Variants in UNC79 observed in about 807,000 individuals in gnomAD.
The protein encoded by UNC79 is unc-79 subunit of NALCN channel complex.
UNC79 carries 37 observed loss-of-function variants against 283.1 expected under a neutral mutation model. The observed-to-expected ratio is 0.13, with a 90% CI of 0.10 to 0.17. UNC79 has a LOEUF of 0.17. Among genes scored for constraint, UNC79 ranks in the 10% least tolerant of loss-of-function variants. The probability of loss-of-function intolerance (pLI) is 1.00; values close to 1 mark genes in which losing one functional copy is unlikely to be tolerated. For missense variants in UNC79, 2,272 were observed against 3,211.1 expected, an observed-to-expected ratio of 0.71 and a Z score of 7.07; for synonymous variants, 1,107 against 1,200.2, an observed-to-expected ratio of 0.92 and a Z score of 1.61.
At chr14:93,549,717 T>C (rs2061777298) in intron 14 of UNC79, among the ~76,000 whole-genome samples, 1 of 152,018 alleles carries the variant, frequency 6.6e-6, no homozygotes, top group Non-Finnish European at 1.5e-5. Flanking sequence ...GTACAGGAAA[T>C]GGAAATGAGG....
At chr14:93,489,270 G>T (rs2058608504) in intron 5 of UNC79, among the ~76,000 whole-genome samples, 1 of 152,162 alleles carries the variant, frequency 6.6e-6, no homozygotes, top group Admixed American at 6.6e-5. Context: ...CAAGCATTTA[G>T]TCTATAGTAT....
chr14:93,648,580 G>A (rs2069889091), intron 35 of UNC79, among the ~76,000 whole-genome samples: 1 of 152,130 alleles, frequency 6.6e-6, no homozygotes, highest in African/African-American at 2.4e-5. Context: ...TGGGTGGGCG[G>A]GTGTGGCATT....
At chr14:93,337,516 C>T (rs1209354735) in intron 1 of UNC79, among the ~76,000 whole-genome samples, 2 of 152,214 alleles carry the variant, frequency 1.3e-5, no homozygotes, top group Admixed American at 1.3e-4. Flanking sequence ...TGGGGATTCC[C>T]CAACCCAGAG....
At chr14:93,682,653 T>G in exon 42 of UNC79, 2 of 1,614,022 alleles carry the variant, frequency 1.2e-6, no homozygotes, top group Non-Finnish European at 1.7e-6. Flanking sequence ...ACTAGCTGAG[T>G]CAACAATCCT....
chr14:93,538,156 G>T (rs771758901), exon 12 of UNC79: 2 of 1,613,662 alleles, frequency 1.2e-6, no homozygotes, highest in Non-Finnish European at 1.7e-6. Context: ...CCTCTCCTCC[G>T]CCCATCAACA....
intron 7 of UNC79, among the ~76,000 whole-genome samples, chr14:93,518,194 A>G (rs533552393): frequency 6.8e-4 from 103 of 152,152 alleles, no homozygotes; most frequent in African/African-American, 2.4e-3. Context: ...TATTCTTTCA[A>G]TGATTAATAG....
intron 1 of UNC79, among the ~76,000 whole-genome samples, chr14:93,349,750 T>G (rs2139909060): frequency 6.6e-6 from 1 of 152,302 alleles, no homozygotes; most frequent in Non-Finnish European, 1.5e-5. Flanking sequence ...GCTAAATATT[T>G]CAGGTTCAAT....
chr14:93,467,215 T>C (rs2057231444), intron 1 of UNC79, among the ~76,000 whole-genome samples: 1 of 152,158 alleles, frequency 6.6e-6, no homozygotes, highest in African/African-American at 2.4e-5. Flanking sequence ...TATTTTAGGA[T>C]TTTTTGAGTG....
At chr14:93,662,856 C>A (rs1370491463) in intron 40 of UNC79, 142 bp downstream of exon 43, 3 of 546,656 alleles carry the variant, frequency 5.5e-6, no homozygotes, top group Admixed American at 3.2e-5. Flanking sequence ...CTAATAAATA[C>A]CATGGTAAGG....
intron 20 of UNC79, among the ~76,000 whole-genome samples, chr14:93,584,501 G>A (rs2064070225): frequency 6.6e-6 from 1 of 152,236 alleles, no homozygotes; most frequent in African/African-American, 2.4e-5. Flanking sequence ...AGCAGCCAGG[G>A]CCCAGGCCTA....
chr14:93,636,484 A>G (rs1472630937), intron 31 of UNC79, among the ~76,000 whole-genome samples: 1 of 152,202 alleles, frequency 6.6e-6, no homozygotes, highest in East Asian at 1.9e-4. Flanking sequence ...TAAACTACAC[A>G]TGTAGCTTCA....
At chr14:93,559,952 G>A (rs557158077) in intron 14 of UNC79, among the ~76,000 whole-genome samples, 2 of 152,158 alleles carry the variant, frequency 1.3e-5, no homozygotes, top group East Asian at 1.9e-4. Context: ...TGTTTCTCAG[G>A]GGTGCTTCAA....
Position 93,622,559 on chromosome 14 carries a change from G to T in UNC79, c.5326G>T (p.Glu1776Ter). The stretch of plus-strand genomic sequence containing the variant: ...GGGCACTGAGGGGGAGAAGCCTGGG[G>T]AGCTGATGCCAAGTTCAGGGGCAAA... Residue 1776 changes from glutamate (E) to a stop codon, truncating the protein, a stop_gained, in exon 30 of 49, where the codon GAG becomes TAG. Coordinates refer to ENST00000555664, the Ensembl canonical transcript of UNC79. LOFTEE classifies it high-confidence loss of function. 1 of 1,614,070 alleles carries T rather than the reference G, an allele frequency of 6.2e-7. No homozygotes were observed. The highest frequency in any genetic ancestry group is 8.5e-7 in the Non-Finnish European group (1 of 1,180,004).
chr14:93,465,306 A>G (rs1045300772), intron 1 of UNC79, among the ~76,000 whole-genome samples: 3 of 152,182 alleles, frequency 2.0e-5, no homozygotes, highest in Non-Finnish European at 2.9e-5. Flanking sequence ...TGCTGTTACT[A>G]AAGTATTAAT....
At chr14:93,644,718 A>T (rs1380194685) in intron 34 of UNC79, among the ~76,000 whole-genome samples, 2 of 152,228 alleles carry the variant, frequency 1.3e-5, no homozygotes, top group Middle Eastern at 6.3e-3. Flanking sequence ...TGTTGCTAAA[A>T]TTTAATCCTT....
chr14:93,472,751 G>A (rs1417801572), intron 2 of UNC79, among the ~76,000 whole-genome samples: 1 of 152,052 alleles, frequency 6.6e-6, no homozygotes, highest in Non-Finnish European at 1.5e-5. Context: ...AATTGTAAAT[G>A]TAATATCATT....
chr14:93,706,364 C>T (rs185334215), intron 48 of UNC79, among the ~76,000 whole-genome samples: 42 of 152,274 alleles, frequency 2.8e-4, no homozygotes, highest in African/African-American at 9.4e-4. Flanking sequence ...CAGCAGAACC[C>T]GGGCACTTCA....
intron 10 of UNC79, among the ~76,000 whole-genome samples, chr14:93,529,829 A>G (rs1273917001): frequency 3.9e-5 from 6 of 152,168 alleles, no homozygotes; most frequent in Non-Finnish European, 7.4e-5. Context: ...ACCCATCTCA[A>G]TGGAAAGACA....
chr14:93,485,700 C>G lies in UNC79; in HGVS notation c.620-1963C>G, dbSNP rs181212444. On this transcript the variant is annotated intron_variant, in intron 4 of 48. Coordinates refer to ENST00000555664, the Ensembl canonical transcript of UNC79. The stretch of plus-strand genomic sequence containing the variant: ...TCCAATCTTTGTCTAATTATTAATA[C>G]TTATTTATTAATAAGTTGTGGAGCC... Among the ~76,000 whole-genome samples the G allele has an allele frequency of 5.3e-4, 81 of 152,266 alleles. No individual in the cohort carries two copies. The East Asian group carries it at 0.015, about 28-fold the overall frequency.
Sources: allele counts gnomAD v4.1 joint callset (sites outside exome capture counted in the v4.1 genomes callset), GRCh38; gene constraint gnomAD v4.1.1; transcripts MANE v1.5; gene names NCBI Gene and HGNC (gene_info 2026-07-23, HGNC 2026-07-21).